ZNF653: variants seen among roughly 807,000 people sequenced by gnomAD.
ZNF653 encodes 67 kDa zinc finger protein.
Under a neutral mutation model 59.9 loss-of-function variants are expected in ZNF653, and 37 were observed. That is an observed-to-expected ratio of 0.62 (90% CI 0.48 to 0.81). The LOEUF (loss-of-function observed/expected upper bound fraction) is 0.81, where lower values mean the gene tolerates loss of function less well. ZNF653 is among the 40% of genes least tolerant of loss of function. The pLI, the probability that ZNF653 is intolerant of heterozygous loss-of-function variation, is 0.00. For synonymous variants in ZNF653, 435 were observed against 371.8 expected (o/e 1.17, Z -1.96); for missense variants, 808 against 881.1 (o/e 0.92, Z 1.05).
chr19:11,501,266 C>T (rs1289291728), intron 1 of ZNF653, among the ~76,000 whole-genome samples: 3 of 151,592 alleles, frequency 2.0e-5, no homozygotes, highest in South Asian at 2.1e-4. Context: ...GAAGCTTCGA[C>T]CTCCAGGGCT....
In ZNF653 at chr19:11,484,052, T is replaced by C. The variant is rs1971438368; in HGVS notation, c.1660A>G (p.Thr554Ala). 2 of 1,556,156 alleles carry C rather than the reference T, an allele frequency of 1.3e-6. No individual in the cohort carries two copies. Among genetic ancestry groups the C allele is most frequent in the Non-Finnish European group, 1.7e-6 (2 of 1,149,836 alleles). Reference protein sequence around the residue: ...EVHRRTHTGETPLQCEICGYQ... With the variant: ...EVHRRTHTGEAPLQCEICGYQ... ...CGGCCTGTCACTCACTGCAGGGGGG[T>C]CTCGCCGGTGTGGGTGCGCCGATGT... is the stretch of plus-strand genomic sequence containing the variant. The change falls in exon 8 of 9, where the codon ACC becomes GCC. Residue 554 changes from threonine to alanine, a missense_variant. Physicochemically the swap from Thr to Ala is moderately conservative, Grantham distance 58. Transcript: ENST00000293771.
In ZNF653 at chr19:11,484,047, G is replaced by A. The variant is rs571370316; in HGVS notation, c.1665C>T (p.Pro555=). 5.1e-6 allele frequency: 8 copies of A among 1,556,084 alleles called. No homozygotes were observed. In the South Asian group the frequency reaches 9.5e-5, roughly 18 times the overall value. ...VHRRTHTGET[P]LQCEICGYQC... Reference sequence around the variant, plus strand: ...CGGGGCGGCCTGTCACTCACTGCAGGGGGGTCTCGCCGGTGTGGGTGCGCC... The same window carrying A: ...CGGGGCGGCCTGTCACTCACTGCAGAGGGGTCTCGCCGGTGTGGGTGCGCC... The change falls in exon 8 of 9, where the codon CCC becomes CCT. Residue 555 remains proline, a synonymous_variant. Coordinates refer to ENST00000293771, the MANE Select transcript of ZNF653 (RefSeq NM_138783.4).
chr19:11,505,758 G>C lies in ZNF653; in HGVS notation c.29C>G (p.Ala10Gly), dbSNP rs949942571. The change falls in exon 1 of 9, where the codon GCG (alanine) becomes GGG (glycine). Residue 10 changes from alanine to glycine, a missense_variant. By Grantham distance (60) the Ala-to-Gly change is moderately conservative. Transcript: ENST00000293771. MAERALEPE[A>G]EAEAEAGAGG... ...CGCGCCCGCCTCAGCCTCCGCCTCC[G>C]CCTCGGGCTCTAGCGCCCGCTCCGC... 2 of 1,382,738 alleles carry C rather than the reference G, an allele frequency of 1.4e-6. No homozygotes were observed. The highest frequency in any genetic ancestry group is 1.9e-6 in the Non-Finnish European group (2 of 1,077,952). The allele number at this position is 1,382,738 out of a possible 1,614,324, so 85.7% of individuals were successfully genotyped here. A position where few individuals can be genotyped will look rare whatever the true frequency, so the allele number is the denominator to read the frequency against.
chr19:11,495,235 C>T lies in ZNF653; in HGVS notation c.559+715G>A, dbSNP rs560355756. ...CCCCCTCACCACTCACCGGGGCCAACTGAGCCTCCCTCACTGAGTCCCTGC... is the reference window on the plus strand; with the variant it reads ...CCCCCTCACCACTCACCGGGGCCAATTGAGCCTCCCTCACTGAGTCCCTGC... On this transcript the variant is annotated intron_variant, in intron 3 of 8. Coordinates refer to ENST00000293771, the MANE Select transcript of ZNF653 (RefSeq NM_138783.4). The surrounding 1 kb of genome is among the most constrained non-coding windows in gnomAD (Gnocchi z 4.9). 1.3e-5 allele frequency among the ~76,000 whole-genome samples: 2 copies of T among 152,240 alleles called. No individual in the cohort carries two copies. Among genetic ancestry groups the T allele is most frequent in the South Asian group, 4.1e-4 (2 of 4,826 alleles).
At position 11,483,686 on chromosome 19, in the gene ZNF653, G is replaced by C. The variant is rs143826181; in HGVS notation, c.1844C>G (p.Thr615Ser). The C allele has an allele frequency of 1.2e-6, 2 of 1,612,138 alleles. No individual in the cohort carries two copies. Among genetic ancestry groups the C allele is most frequent in the South Asian group, 2.2e-5 (2 of 91,072 alleles). ...TLKSHPDHKP[T>S] ...GGCGGTCAGTGGTCAGGTGGGTCAGGTGGGCTTGTGATCCGGGTGGCTTTT... is the reference window on the plus strand; with the variant it reads ...GGCGGTCAGTGGTCAGGTGGGTCAGCTGGGCTTGTGATCCGGGTGGCTTTT... The change falls in exon 9 of 9, where the codon ACC (threonine) becomes AGC (serine). Residue 615 changes from threonine to serine, a missense_variant. Coordinates refer to ENST00000293771, the MANE Select transcript of ZNF653 (RefSeq NM_138783.4).
chr19:11,493,795 G>T (rs916048469), intron 3 of ZNF653, among the ~76,000 whole-genome samples: 46 of 152,164 alleles, frequency 3.0e-4, no homozygotes, highest in African/African-American at 8.9e-4. Flanking sequence ...AAGGCAGGAG[G>T]ATTACTAGAT....
intron 1 of ZNF653, among the ~76,000 whole-genome samples, chr19:11,501,797 C>CTT (rs57995525): frequency 3.3e-5 from 5 of 150,604 alleles, no homozygotes; most frequent in Non-Finnish European, 7.4e-5. Context: ...CCTTTAGTAA[C>CTT]TTTTTTTTTT....
In ZNF653 at chr19:11,485,778, C is replaced by G; in HGVS notation, c.1456-8G>C. The G allele has an allele frequency of 6.2e-7, 1 of 1,610,526 alleles. No homozygotes were observed. The highest frequency in any genetic ancestry group is 1.1e-5 in the South Asian group (1 of 90,986). On this transcript the variant is annotated splice_polypyrimidine_tract_variant and splice_region_variant and intron_variant, in intron 6 of 8. Coordinates refer to ENST00000293771, the MANE Select transcript of ZNF653 (RefSeq NM_138783.4). ...CACAAGATTGACGTGGTTCTGGAGA[C>G]GAGACAGGCAGAAGTGGGTCCCATA...
intron 3 of ZNF653, among the ~76,000 whole-genome samples, chr19:11,490,073 G>C (rs1387710733): frequency 2.6e-5 from 4 of 152,222 alleles, no homozygotes; most frequent in African/African-American, 7.2e-5. Context: ...TCAGATGTCA[G>C]CTGCAAGTCC....
intron 3 of ZNF653, among the ~76,000 whole-genome samples, chr19:11,494,332 CATAACAT>C (rs1568395567): frequency 1.5e-5 from 1 of 68,350 alleles, no homozygotes; most frequent in Non-Finnish European, 3.1e-5. Context: ...AAAAAGATAA[CATAACAT>C]AACATAACAT....
chr19:11,495,409 G>A lies in ZNF653; in HGVS notation c.559+541C>T, dbSNP rs931692856. On this transcript the variant is annotated intron_variant, in intron 3 of 8. Transcript: ENST00000293771. The surrounding 1 kb of genome is among the most constrained non-coding windows in gnomAD (Gnocchi z 4.9). ...AAGGAGGAGACAGAGGCAGCTCAAG[G>A]GAGGAGAAATGGGGAACAGGAGGGA... 9.3e-5 allele frequency: 15 copies of A among 162,046 alleles called. No individual in the cohort carries two copies. Among genetic ancestry groups the A allele is most frequent in the Middle Eastern group, 3.1e-3 (1 of 326 alleles). The allele number at this position is 162,046 out of a possible 1,614,324, so 10.0% of individuals were successfully genotyped here.
chr19:11,505,243 A>G lies in ZNF653; in HGVS notation c.299+245T>C, dbSNP rs1048654051. The G allele has an allele frequency of 3.0e-5, 13 of 435,470 alleles. No homozygotes were observed. In the Admixed American group the frequency reaches 4.1e-4, roughly 14 times the overall value. 27.0% of individuals were successfully genotyped at this position (435,470 alleles called of 1,614,324 possible). On this transcript the variant is annotated intron_variant, in intron 1 of 8. Coordinates refer to ENST00000293771, the MANE Select transcript of ZNF653 (RefSeq NM_138783.4). ...GCCAGAGTTCTAGCGGGCGGGGCCA[A>G]GCGCTCAGAAGGCGGGTCGAGGGGC...
chr19:11,500,515 G>A (rs758672933), intron 1 of ZNF653, among the ~76,000 whole-genome samples: 4 of 152,104 alleles, frequency 2.6e-5, no homozygotes, highest in Non-Finnish European at 4.4e-5. Context: ...TCTATTTTTA[G>A]TAGAGACAGG....
At position 11,487,189 on chromosome 19, in the gene ZNF653, G is replaced by A. The variant is rs1246714380; in HGVS notation, c.1172-31C>T. 1.2e-6 allele frequency: 2 copies of A among 1,607,436 alleles called. No homozygotes were observed. Among genetic ancestry groups the A allele is most frequent in the East Asian group, 2.2e-5 (1 of 44,874 alleles). ...GGGTGGACACAGGGTGGTGTCCGCA[G>A]GGGACGAAGGCTGCCGAGGTGCCCA... On this transcript the variant is annotated intron_variant, in intron 4 of 8. Coordinates refer to ENST00000293771, the MANE Select transcript of ZNF653 (RefSeq NM_138783.4). This position sits in a 1 kb window ranked among gnomAD's most constrained non-coding sequence, Gnocchi z 5.1.
chr19:11,487,712 C>T lies in ZNF653; in HGVS notation c.751G>A (p.Val251Met), dbSNP rs140179197. ...GTACCCTGCTCGGCCAGGCTTTCCA[C>T]GTGGTGGACGTCAAAGGGAATGTGC... is the stretch of plus-strand genomic sequence containing the variant. The part of the protein sequence containing the change: ...GVHIPFDVHH[V>M]ESLAEQGTPL... The change falls in exon 4 of 9, where the codon GTG becomes ATG. Residue 251 changes from valine (V) to methionine (M), a missense_variant. Val to Met is a conservative substitution (Grantham distance 21, BLOSUM62 1). Coordinates refer to ENST00000293771, the MANE Select transcript of ZNF653 (RefSeq NM_138783.4). This position sits in a 1 kb window ranked among gnomAD's most constrained non-coding sequence, Gnocchi z 5.1. The T allele has an allele frequency of 5.5e-3, 8,809 of 1,613,744 alleles. 34 individuals carry two copies. The highest frequency in any genetic ancestry group is 6.4e-3 in the Non-Finnish European group (7,604 of 1,179,950).
intron 3 of ZNF653, among the ~76,000 whole-genome samples, chr19:11,493,210 A>G (rs940768098): frequency 2.0e-5 from 3 of 150,984 alleles, no homozygotes; most frequent in African/African-American, 7.3e-5. Flanking sequence ...GGCATGCGCC[A>G]CCATGCCCAG....
chr19:11,503,047 G>GT (rs144059547), intron 1 of ZNF653, among the ~76,000 whole-genome samples: 5,035 of 151,204 alleles, frequency 0.033, 111 homozygotes, highest in East Asian at 0.077. Context: ...AAAAAAAAAG[G>GT]TGGGGGGGGC....
At chr19:11,504,564 G>C in intron 1 of ZNF653, 2 of 985,364 alleles carry the variant, frequency 2.0e-6, no homozygotes, top group Non-Finnish European at 2.4e-6. Context: ...TGCTGTCCTG[G>C]GAAAGGGGTG....
chr19:11,483,762 G>A lies in ZNF653; in HGVS notation c.1768C>T (p.Arg590Cys), dbSNP rs768371076. The change falls in exon 9 of 9, where the codon CGC becomes TGC. Residue 590 changes from arginine to cysteine, a missense_variant. By Grantham distance (180) the Arg-to-Cys change is radical (BLOSUM62 -3). Transcript: ENST00000293771. ...AGCTTCTCGAAGCGCTTCCCGCAGC[G>A]ATCGCACGTGAAGTTGTACTGCACC... ...AEVQYNFTCD[R>C]CGKRFEKLDS... 3.7e-6 allele frequency: 6 copies of A among 1,613,486 alleles called. No homozygotes were observed. Among genetic ancestry groups the A allele is most frequent in the African/African-American group, 2.7e-5 (2 of 74,918 alleles).
Sources: gnomAD v4.1 joint callset for allele counts (sites outside exome capture counted in the v4.1 genomes callset) on GRCh38, gnomAD v4.1.1 for gene constraint, Gnocchi (gnomAD v3.1) non-coding constraint, MANE v1.5 for transcripts, NCBI Gene and HGNC (gene_info 2026-07-23, HGNC 2026-07-21) for gene names.